The following PDZD2 variants were observed in gnomAD, a reference collection of about 807,000 sequenced individuals.
PDZD2 encodes the protein PDZ domain-containing protein 2.
Under a neutral mutation model 220.7 loss-of-function variants are expected in PDZD2, and 90 were observed. The observed-to-expected ratio is 0.41, with a 90% confidence interval of 0.34 to 0.49. The LOEUF is 0.49. Among genes scored for constraint, PDZD2 ranks in the 20% least tolerant of loss-of-function variants. The probability of loss-of-function intolerance (pLI) is 0.28; values close to 1 mark genes in which losing one functional copy is unlikely to be tolerated. For missense variants in PDZD2, 3,174 were observed against 3,608.5 expected (o/e 0.88, Z 3.08); for synonymous variants, 1,375 against 1,450.5 (o/e 0.95, Z 1.18).
chr5:31,809,064 ATGTTTTTACC>A (rs1754919422), intron 2 of PDZD2, among the ~76,000 whole-genome samples: 2 of 152,200 alleles, frequency 1.3e-5, no homozygotes, highest in Admixed American at 1.3e-4. Context: ...TAGAAAATCT[ATGTTTTTACC>A]TGTTCTGAAA....
intron 2 of PDZD2, among the ~76,000 whole-genome samples, chr5:31,878,647 C>T (rs370888886): frequency 1.4e-5 from 2 of 145,288 alleles, no homozygotes; most frequent in African/African-American, 2.5e-5. Context: ...GCAGGCTCCG[C>T]CCCCCGGGGT....
At chr5:32,100,514 G>A (rs540525058) in intron 23 of PDZD2, 13 of 296,782 alleles carry the variant, frequency 4.4e-5, no homozygotes, top group South Asian at 3.8e-4. Flanking sequence ...TAGAGGCAGC[G>A]AGTGTGTTTG....
intron 1 of PDZD2, among the ~76,000 whole-genome samples, chr5:31,777,031 G>A (rs1244656518): frequency 6.6e-6 from 1 of 152,168 alleles, no homozygotes; most frequent in Non-Finnish European, 1.5e-5. Flanking sequence ...GCCCACCGCT[G>A]CACTGTGGGA....
chr5:31,702,866 C>A (rs757223130), intron 1 of PDZD2, among the ~76,000 whole-genome samples: 4 of 152,200 alleles, frequency 2.6e-5, no homozygotes, highest in Non-Finnish European at 5.9e-5. Flanking sequence ...AATAGAATTG[C>A]AAGTTTTATG....
intron 2 of PDZD2, among the ~76,000 whole-genome samples, chr5:31,819,737 C>T (rs1415983134): frequency 1.3e-5 from 2 of 150,958 alleles, no homozygotes; most frequent in Non-Finnish European, 2.9e-5. Context: ...GTAATGGATA[C>T]ATTCGTAGAA....
At chr5:31,789,173 A>G (rs1753556405) in intron 1 of PDZD2, among the ~76,000 whole-genome samples, 1 of 152,234 alleles carries the variant, frequency 6.6e-6, no homozygotes, top group Admixed American at 6.5e-5. Context: ...CTAAAGCTCC[A>G]GCCATCACAT....
chr5:31,674,861 G>C (rs1210326189), intron 1 of PDZD2, among the ~76,000 whole-genome samples: 1 of 151,930 alleles, frequency 6.6e-6, no homozygotes, highest in African/African-American at 2.4e-5. Context: ...TTGTTGCCTC[G>C]GTGTTACAAA....
intron 1 of PDZD2, among the ~76,000 whole-genome samples, chr5:31,689,330 C>CATATGTATATATATAT (rs1375688425): frequency 1.7e-5 from 1 of 58,598 alleles, no homozygotes; most frequent in Non-Finnish European, 2.7e-5. Flanking sequence ...CATATATATA[C>CATATGTATATATATAT]ATATACATAT....
chr5:31,808,837 G>C (rs1039116070), intron 2 of PDZD2, among the ~76,000 whole-genome samples: 2 of 151,972 alleles, frequency 1.3e-5, no homozygotes, highest in Non-Finnish European at 2.9e-5. Context: ...AATTAGCTGG[G>C]CATGGTGGCA....
chr5:31,935,136 G>A (rs528284528), intron 2 of PDZD2, among the ~76,000 whole-genome samples: 21 of 151,896 alleles, frequency 1.4e-4, no homozygotes, highest in Admixed American at 2.6e-4. Context: ...AGTAAACAGA[G>A]GATGTTTGCT....
intron 1 of PDZD2, among the ~76,000 whole-genome samples, chr5:31,768,725 A>T (rs1752172860): frequency 6.6e-6 from 1 of 151,596 alleles, no homozygotes; most frequent in South Asian, 2.1e-4. Flanking sequence ...AGGGTATGAC[A>T]TTGAGCAGCT....
At position 32,023,623 on chromosome 5, in the gene PDZD2, A is replaced by C. The variant is rs74655321; in HGVS notation, c.1407+13141A>C. On this transcript the variant is annotated intron_variant, in intron 6 of 24. Coordinates refer to ENST00000438447, the MANE Select transcript of PDZD2 (RefSeq NM_178140.4). ...TGACAAGGTTGCTTTTAGAGGAGAT[A>C]CCATGCTAGCTTCTTGCCTAAGATG... Among the ~76,000 whole-genome samples the C allele has an allele frequency of 9.7e-3, 1,473 of 152,304 alleles. 22 individuals are homozygous for C. The highest frequency in any genetic ancestry group is 0.033 in the African/African-American group (1,387 of 41,550).
At chr5:32,010,634 C>G in intron 6 of PDZD2, 152 bp downstream of exon 6, 1 of 730,922 alleles carries the variant, frequency 1.4e-6, no homozygotes, top group Non-Finnish European at 2.5e-6. Flanking sequence ...TTCTCGGAAT[C>G]TCTGAGAAAA....
chr5:31,849,949 CATATATATATATACACAT>C (rs1561507289), intron 2 of PDZD2, among the ~76,000 whole-genome samples: 10 of 20,454 alleles, frequency 4.9e-4, no homozygotes, highest in Non-Finnish European at 8.2e-4. Context: ...TATATATATA[CATATATATATATACACAT>C]ATATATATAT....
intron 2 of PDZD2, 46 bp downstream of exon 2, chr5:31,799,770 C>G: frequency 7.8e-7 from 1 of 1,279,420 alleles, no homozygotes; most frequent in Non-Finnish European, 1.1e-6. Context: ...GACACGGGAA[C>G]CTGGTGGTTC....
Position 32,089,883 on chromosome 5 carries a change from C to T in PDZD2, c.6435C>T (p.Ser2145=), listed in dbSNP as rs1455491868. Residue 2145 remains serine (S), a synonymous_variant, in exon 20 of 25, where the codon TCC becomes TCT. Transcript: ENST00000438447. The part of the protein sequence containing the change: ...QVAESSTSHP[S]SLPSHASQAE... ...CAGAATCATCCACAAGTCATCCATC[C>T]TCACTCCCATCTCATGCCTCCCAGG... The T allele has an allele frequency of 1.9e-6, 3 of 1,613,106 alleles. No homozygotes were observed. In the South Asian group the frequency reaches 3.3e-5, roughly 18 times the overall value.
At chr5:31,849,516 C>T (rs1489220595) in intron 2 of PDZD2, among the ~76,000 whole-genome samples, 2 of 152,030 alleles carry the variant, frequency 1.3e-5, no homozygotes, top group Non-Finnish European at 2.9e-5. Flanking sequence ...AAAAGCAATA[C>T]GTCCCGTACA....
intron 21 of PDZD2, among the ~76,000 whole-genome samples, chr5:32,094,076 G>A (rs1743424055): frequency 6.6e-6 from 1 of 152,184 alleles, no homozygotes; most frequent in African/African-American, 2.4e-5. Context: ...TTCACACTGA[G>A]TAGCCTGAGA....
intron 24 of PDZD2, among the ~76,000 whole-genome samples, chr5:32,105,376 A>G (rs1214151976): frequency 6.6e-6 from 1 of 152,208 alleles, no homozygotes; most frequent in East Asian, 1.9e-4. Context: ...AAAAAATCTC[A>G]TACTATGATG....
Sources: gnomAD v4.1 joint callset for allele counts (sites outside exome capture counted in the v4.1 genomes callset) on GRCh38, gnomAD v4.1.1 for gene constraint, MANE v1.5 for transcripts, NCBI Gene and HGNC (gene_info 2026-07-23, HGNC 2026-07-21) for gene names.